The following INO80C variants were observed in gnomAD, a reference collection of about 807,000 sequenced individuals.
The protein encoded by INO80C is INO80 complex subunit C.
A neutral mutation model predicts 17.7 loss-of-function variants in INO80C; 17 were observed. The ratio of observed to expected loss-of-function variants is 0.96; its 90% CI spans 0.66 to 1.44. The LOEUF is 1.44. INO80C is among the 40% of genes most tolerant of loss of function. The pLI is 0.00. For synonymous variants in INO80C, 96 were observed against 95.8 expected, an observed-to-expected ratio of 1.00 and a Z score of -0.01; for missense variants, 244 against 245.0, an observed-to-expected ratio of 1.00 and a Z score of 0.03.
chr18:35,477,338 A>G, intron 4 of INO80C, among the ~76,000 whole-genome samples: 1 of 152,266 alleles, frequency 6.6e-6, no homozygotes, highest in East Asian at 1.9e-4. Flanking sequence ...AGTAGACTTC[A>G]GAACAATGAA....
intron 1 of INO80C, chr18:35,487,471 A>G (rs907667849): frequency 2.1e-5 from 6 of 279,998 alleles, no homozygotes; most frequent in South Asian, 5.7e-5. Flanking sequence ...GAGAGAATGA[A>G]AGCCAAGTGA....
chr18:35,490,407 C>T (rs1473986221), intron 1 of INO80C, among the ~76,000 whole-genome samples: 1 of 152,184 alleles, frequency 6.6e-6, no homozygotes, highest in Non-Finnish European at 1.5e-5. Context: ...AAAAACAAAA[C>T]ACCCCCACTA....
Position 35,497,341 on chromosome 18 carries a change from ATGCGCC to A in INO80C, c.156+372_156+377del, listed in dbSNP as rs1447411553. ...CATCCATGCAGGACATTACAGCGCT[ATGCGCC>A]TCAAAGACACTGGGTAGATGTCTGC... On this transcript the variant is annotated intron_variant, in intron 1 of 4. Coordinates refer to ENST00000334598, the MANE Select transcript of INO80C (RefSeq NM_194281.4). The A allele has an allele frequency of 6.1e-6, 6 of 985,226 alleles. No individual in the cohort carries two copies. The East Asian group carries it at 4.5e-4, about 74-fold the overall frequency. The allele number at this position is 985,226 out of a possible 1,614,324, so 61.0% of individuals were successfully genotyped here. A position where few individuals can be genotyped will look rare whatever the true frequency, so the allele number is the denominator to read the frequency against.
intron 2 of INO80C, 96 bp from the exon 3 acceptor site, chr18:35,479,507 T>A (rs1055318022): frequency 4.2e-6 from 3 of 717,726 alleles, no homozygotes; most frequent in South Asian, 3.2e-5. Context: ...GTAATATACC[T>A]CTCATCTGTC....
chr18:35,496,243 T>C (rs1164907425), intron 1 of INO80C, among the ~76,000 whole-genome samples: 1 of 152,194 alleles, frequency 6.6e-6, no homozygotes, highest in Non-Finnish European at 1.5e-5. Context: ...CCAAAAACTG[T>C]AAACGTTCAA....
chr18:35,483,054 T>C (rs2045832507), intron 1 of INO80C, among the ~76,000 whole-genome samples: 1 of 152,028 alleles, frequency 6.6e-6, no homozygotes, highest in Admixed American at 6.5e-5. Context: ...GATATCCATT[T>C]AGCCATTTTC....
chr18:35,477,793 C>T (rs1421768919), intron 4 of INO80C, among the ~76,000 whole-genome samples: 2 of 152,036 alleles, frequency 1.3e-5, no homozygotes, highest in Admixed American at 6.5e-5. Context: ...CGGCCAGATC[C>T]ACATGGGACC....
intron 1 of INO80C, chr18:35,489,505 C>T (rs1273338114): frequency 6.4e-6 from 1 of 155,058 alleles, no homozygotes; most frequent in Non-Finnish European, 1.4e-5. Flanking sequence ...GAGAAACTGC[C>T]CCCATGATTT....
At chr18:35,486,490 T>C (rs2045875612) in intron 1 of INO80C, among the ~76,000 whole-genome samples, 1 of 152,134 alleles carries the variant, frequency 6.6e-6, no homozygotes, top group Admixed American at 6.5e-5. Context: ...ATTATACACT[T>C]TAAAAGGGTG....
At chr18:35,486,582 G>A (rs1051747847) in intron 1 of INO80C, among the ~76,000 whole-genome samples, 4 of 151,816 alleles carry the variant, frequency 2.6e-5, no homozygotes, top group Admixed American at 2.0e-4. Flanking sequence ...AGCTAGTAGT[G>A]GATTATAACC....
intron 4 of INO80C, among the ~76,000 whole-genome samples, chr18:35,471,968 T>G (rs1435771084): frequency 6.6e-6 from 1 of 152,212 alleles, no homozygotes; most frequent in Non-Finnish European, 1.5e-5. Flanking sequence ...TTCCATGGTG[T>G]ATATGTGCCA....
chr18:35,496,726 G>C (rs948553769), intron 1 of INO80C: 6 of 152,278 alleles, frequency 3.9e-5, no homozygotes, highest in East Asian at 1.9e-4. Context: ...AATTTGGATG[G>C]GGGTTGGGGA....
At chr18:35,474,824 T>A (rs1171925010) in intron 4 of INO80C, among the ~76,000 whole-genome samples, 2 of 152,172 alleles carry the variant, frequency 1.3e-5, no homozygotes, top group African/African-American at 4.8e-5. Flanking sequence ...GTATACTCTA[T>A]ACAGTGAGTA....
intron 1 of INO80C, among the ~76,000 whole-genome samples, chr18:35,482,852 C>T (rs1598743776): frequency 6.6e-6 from 1 of 152,188 alleles, no homozygotes; most frequent in Non-Finnish European, 1.5e-5. Flanking sequence ...GTGCAGTACA[C>T]ATCTTGCCTA....
intron 4 of INO80C, among the ~76,000 whole-genome samples, chr18:35,477,470 A>G (rs2045750779): frequency 6.6e-6 from 1 of 152,256 alleles, no homozygotes; most frequent in Non-Finnish European, 1.5e-5. Flanking sequence ...TAAAATGTAA[A>G]GTACTTAAAT....
intron 1 of INO80C, chr18:35,487,584 G>A (rs768484149): frequency 1.3e-4 from 21 of 160,110 alleles, no homozygotes; most frequent in Non-Finnish European, 2.4e-4. Flanking sequence ...ATATCCCACC[G>A]GGTTCCTCCC....
intron 1 of INO80C, chr18:35,487,393 C>G (rs535177706): frequency 2.5e-6 from 1 of 397,306 alleles, no homozygotes; most frequent in Non-Finnish European, 5.0e-6. Flanking sequence ...CACATTTCCA[C>G]GCGGCTGGGG....
intron 4 of INO80C, among the ~76,000 whole-genome samples, chr18:35,472,433 C>T (rs563054849): frequency 1.2e-4 from 19 of 152,186 alleles, no homozygotes; most frequent in South Asian, 8.3e-4. Context: ...ATCCTTTGCC[C>T]GCTTTTTGAT....
At chr18:35,473,350 G>C (rs1034982144) in intron 4 of INO80C, among the ~76,000 whole-genome samples, 1 of 152,198 alleles carries the variant, frequency 6.6e-6, no homozygotes, top group Admixed American at 6.5e-5. Flanking sequence ...AAGCTCACAA[G>C]GTAAGTTCCA....
Sources: gnomAD v4.1 joint callset for allele counts (sites outside exome capture counted in the v4.1 genomes callset) on GRCh38, gnomAD v4.1.1 for gene constraint, MANE v1.5 for transcripts, NCBI Gene and HGNC (gene_info 2026-07-23, HGNC 2026-07-21) for gene names.